The following SCML4 variants were observed in gnomAD, a reference collection of about 807,000 sequenced individuals.
SCML4 encodes sex comb on midleg-like protein 4.
SCML4 carries 34 observed loss-of-function variants against 41.1 expected under a neutral mutation model. That is an observed-to-expected ratio of 0.83 (90% confidence interval 0.63 to 1.10). The LOEUF (loss-of-function observed/expected upper bound fraction) is 1.10, where lower values mean the gene tolerates loss of function less well. Among genes scored for constraint, SCML4 ranks in the 50% least tolerant of loss-of-function variants. The probability of loss-of-function intolerance (pLI) is 0.00; values close to 1 mark genes in which losing one functional copy is unlikely to be tolerated. For synonymous variants in SCML4, 214 were observed against 220.9 expected (o/e 0.97, Z 0.28); for missense variants, 522 against 534.1 (o/e 0.98, Z 0.22).
chr6:107,740,339 A>T (rs540400394), intron 5 of SCML4, among the ~76,000 whole-genome samples: 30 of 152,230 alleles, frequency 2.0e-4, no homozygotes, highest in Non-Finnish European at 4.0e-4. Context: ...ACGAGGTTGT[A>T]GAGGCGGAGA....
At position 107,749,310 on chromosome 6, in the gene SCML4, G is replaced by A. The variant is rs112583130; in HGVS notation, c.286+374C>T. 3.3e-5 allele frequency among the ~76,000 whole-genome samples: 5 copies of A among 152,182 alleles called. 1 individual carries two copies. The highest frequency in any genetic ancestry group is 1.2e-4 in the African/African-American group (5 of 41,528). ...AATGGGATCCTTAGGAAATCTGGAA[G>A]AGCAAACACAGGAACAAGAGCACTG... On this transcript the variant is annotated intron_variant, in intron 3 of 7. Coordinates refer to ENST00000369020, the MANE Select transcript of SCML4 (RefSeq NM_198081.5).
chr6:107,747,142 C>G (rs569879356), intron 3 of SCML4, among the ~76,000 whole-genome samples: 23 of 152,220 alleles, frequency 1.5e-4, no homozygotes, highest in African/African-American at 5.3e-4. Context: ...TGGGTCCACT[C>G]TGATCTACTG....
intron 1 of SCML4, among the ~76,000 whole-genome samples, chr6:107,804,706 G>A (rs992120048): frequency 3.9e-5 from 6 of 152,078 alleles, no homozygotes; most frequent in African/African-American, 1.4e-4. Context: ...AGCCAGAGCT[G>A]GGCTCACACC....
At position 107,709,746 on chromosome 6, in the gene SCML4, T is replaced by C. The variant is rs556568070; in HGVS notation, c.974-1735A>G. On this transcript the variant is annotated intron_variant, in intron 6 of 7. Transcript: ENST00000369020. The stretch of plus-strand genomic sequence containing the variant: ...ATTTTTCGAGACAGAGTTTCACTCT[T>C]GTTGCGCAGGCTGGAGTGCAGTGGC... Among the ~76,000 whole-genome samples, 13 of 152,312 alleles carry C rather than the reference T, an allele frequency of 8.5e-5. No individual in the cohort carries two copies. The East Asian group carries it at 2.1e-3, about 25-fold the overall frequency.
intron 5 of SCML4, among the ~76,000 whole-genome samples, chr6:107,732,594 ATTTTGACCAAAGGCAT>A (rs1455337544): frequency 2.0e-5 from 3 of 152,152 alleles, no homozygotes; most frequent in African/African-American, 4.8e-5. Flanking sequence ...TCCTTTGGAA[ATTTTGACCAAAGGCAT>A]TTTTGACCAA....
rs1363794030 is a variant in SCML4 at position 107,704,659 on chromosome 6, T to A, written c.*541A>T. 6.5e-6 allele frequency: 1 copy of A among 154,526 alleles called. No individual in the cohort carries two copies. The highest frequency in any genetic ancestry group is 1.4e-5 in the Non-Finnish European group (1 of 70,234). 9.6% of individuals were successfully genotyped at this position (154,526 alleles called of 1,614,324 possible). On this transcript the variant is annotated 3_prime_UTR_variant, in exon 8 of 8. Coordinates refer to ENST00000369020, the MANE Select transcript of SCML4 (RefSeq NM_198081.5). ...GGAACAGAAAAGATTTTTTTTTTTT[T>A]CCTTTTTCTTTCACGGCGTAAAATA...
chr6:107,823,048 A>AT (rs1196980781), intron 1 of SCML4, among the ~76,000 whole-genome samples: 1 of 151,938 alleles, frequency 6.6e-6, no homozygotes, highest in Non-Finnish European at 1.5e-5. Context: ...AAGCAGCTAT[A>AT]TCCCTCATTC....
chr6:107,778,853 AC>A (rs1311209580), intron 1 of SCML4, among the ~76,000 whole-genome samples: 1 of 152,128 alleles, frequency 6.6e-6, no homozygotes, highest in Non-Finnish European at 1.5e-5. Context: ...AGGCTCAAAC[AC>A]TATGCTTAGG....
chr6:107,720,722 A>G lies in SCML4; in HGVS notation c.954T>C (p.Ser318=). Reference sequence around the variant, plus strand: ...CATTACCACATCTGTTTCCTTCAAGAGAGGTCGTGTTTCTCTTGGGGCTGG... The same window carrying G: ...CATTACCACATCTGTTTCCTTCAAGGGAGGTCGTGTTTCTCTTGGGGCTGG... ...PASSPKRNTT[S]LEGNRCASSP... The change falls in exon 6 of 8, where the codon TCT becomes TCC. Residue 318 remains serine (S), a synonymous_variant. Coordinates refer to ENST00000369020, the MANE Select transcript of SCML4 (RefSeq NM_198081.5). 2 of 1,571,026 alleles carry G rather than the reference A, an allele frequency of 1.3e-6. No homozygotes were observed. Among genetic ancestry groups the G allele is most frequent in the Non-Finnish European group, 1.7e-6 (2 of 1,162,276 alleles).
intron 5 of SCML4, among the ~76,000 whole-genome samples, chr6:107,741,677 T>A (rs1583460947): frequency 6.6e-6 from 1 of 152,240 alleles, no homozygotes. Flanking sequence ...TATACCTTTT[T>A]GGGACCTTCT....
At chr6:107,809,466 G>A (rs2114264383) in intron 1 of SCML4, among the ~76,000 whole-genome samples, 1 of 152,326 alleles carries the variant, frequency 6.6e-6, no homozygotes, top group African/African-American at 2.4e-5. Flanking sequence ...TCCCTGTGAA[G>A]GGTGCTAATG....
chr6:107,801,092 C>T (rs117153562), intron 1 of SCML4, among the ~76,000 whole-genome samples: 283 of 152,346 alleles, frequency 1.9e-3, no homozygotes, highest in Non-Finnish European at 3.5e-3. Context: ...TATATTAAAA[C>T]TTCCCTATTC....
intron 7 of SCML4, among the ~76,000 whole-genome samples, chr6:107,706,006 C>G (rs1773586169): frequency 6.6e-6 from 1 of 152,164 alleles, no homozygotes; most frequent in African/African-American, 2.4e-5. Flanking sequence ...GGCTGGGCTT[C>G]CATGGTCACC....
At chr6:107,842,501 CA>C in the SCML4 span, among the ~76,000 whole-genome samples, 1 of 152,156 alleles carries the variant, frequency 6.6e-6, no homozygotes, top group Admixed American at 6.6e-5. Context: ...AGGTTCAAGC[CA>C]TTCTCCTGCC....
intron 2 of SCML4, among the ~76,000 whole-genome samples, chr6:107,756,159 G>A (rs778147619): frequency 4.6e-5 from 7 of 152,068 alleles, no homozygotes; most frequent in Non-Finnish European, 8.8e-5. Context: ...TACTCCTTAC[G>A]GATGGGCTGT....
chr6:107,720,631 C>A, intron 6 of SCML4, 72 bp downstream of exon 6: 1 of 1,452,760 alleles, frequency 6.9e-7, no homozygotes. Context: ...CCCCCTTCCC[C>A]AGATGCTGTG....
chr6:107,712,975 C>T (rs1330028284), intron 6 of SCML4, among the ~76,000 whole-genome samples: 2 of 152,268 alleles, frequency 1.3e-5, no homozygotes, highest in Non-Finnish European at 2.9e-5. Flanking sequence ...CCAATGAGGA[C>T]ATCGTGCTTG....
intron 5 of SCML4, among the ~76,000 whole-genome samples, chr6:107,730,445 G>A (rs77047609): frequency 0.016 from 2,398 of 152,330 alleles, 39 homozygotes; most frequent in East Asian, 0.035. Flanking sequence ...CCTGTGTGAG[G>A]CCATTTAATT....
chr6:107,707,911 G>A lies in SCML4; in HGVS notation c.1074C>T (p.Ala358=), dbSNP rs61742586. 5,786 of 1,551,630 alleles carry A rather than the reference G, an allele frequency of 3.7e-3. 200 individuals are homozygous for A. In the African/African-American group the frequency reaches 0.07, roughly 19 times the overall value. Residue 358 remains alanine, a synonymous_variant, in exon 7 of 8, where the codon GCC becomes GCT. Transcript: ENST00000369020. ...VEDVVWFVKD[A]DPQALGPHVE... ...CGTGAGGCCCCAGAGCCTGTGGGTC[G>A]GCGTCCTTCACAAACCACACCACGT...
Sources: allele counts gnomAD v4.1 joint callset (sites outside exome capture counted in the v4.1 genomes callset), GRCh38; gene constraint gnomAD v4.1.1; transcripts MANE v1.5; gene names NCBI Gene and HGNC (gene_info 2026-07-23, HGNC 2026-07-21).